OR56A3: variants seen among roughly 807,000 people sequenced by gnomAD.
The protein encoded by OR56A3 is olfactory receptor 56A3.
In OR56A3, 23 loss-of-function variants were observed where a neutral mutation model predicts 17.5. The observed-to-expected ratio is 1.32, with a 90% CI of 0.95 to 1.87. The LOEUF is 1.87. OR56A3 is among the 40% of genes most tolerant of loss of function. OR56A3 has a pLI of 0.00. For missense variants in OR56A3, 366 were observed against 380.1 expected (o/e 0.96, Z 0.31); for synonymous variants, 175 against 150.6 (o/e 1.16, Z -1.19).
the OR56A3 span, chr11:6,006,289 T>C: frequency 3.3e-5 from 5 of 152,356 alleles, no homozygotes; most frequent in Admixed American, 2.0e-4. Context: ...TTCCTCCCTC[T>C]GAATTTTCCT....
the OR56A3 span, among the ~76,000 whole-genome samples, chr11:5,998,821 A>C: frequency 6.6e-6 from 1 of 152,230 alleles, no homozygotes; most frequent in Non-Finnish European, 1.5e-5. Context: ...ATGAATTACG[A>C]AGATAATTTA....
chr11:6,007,329 G>C, the OR56A3 span, among the ~76,000 whole-genome samples: 101,894 of 152,100 alleles, frequency 0.67, 34,539 homozygotes, highest in East Asian at 0.93. Context: ...AGAGATGTTT[G>C]TCAAAGGATA....
the OR56A3 span, chr11:5,986,849 G>T: frequency 1.2e-6 from 2 of 1,613,990 alleles, no homozygotes; most frequent in Admixed American, 1.7e-5. Flanking sequence ...AGAAAAGAAG[G>T]CTGGGATAGC....
the OR56A3 span, among the ~76,000 whole-genome samples, chr11:6,008,649 C>G: frequency 2.4e-4 from 37 of 151,980 alleles, no homozygotes; most frequent in Admixed American, 5.2e-4. Context: ...GATAATGAAC[C>G]TTTCAATACA....
the OR56A3 span, among the ~76,000 whole-genome samples, chr11:5,962,923 T>C: frequency 6.6e-6 from 1 of 152,238 alleles, no homozygotes; most frequent in African/African-American, 2.4e-5. Flanking sequence ...CATAGGTTCC[T>C]GTAGGTTTTA....
At chr11:5,997,953 C>T in the OR56A3 span, among the ~76,000 whole-genome samples, 1 of 152,090 alleles carries the variant, frequency 6.6e-6, no homozygotes, top group Non-Finnish European at 1.5e-5. Context: ...AACTCACTCA[C>T]TGGACAGGTA....
the OR56A3 span, among the ~76,000 whole-genome samples, chr11:6,012,238 G>A: frequency 6.6e-6 from 1 of 152,348 alleles, no homozygotes; most frequent in South Asian, 2.1e-4. Context: ...TTGAGCAATA[G>A]AACAGCTCAG....
intron 2 of OR56A3, among the ~76,000 whole-genome samples, chr11:5,946,009 A>G (rs1237198834): frequency 6.6e-6 from 1 of 152,226 alleles, no homozygotes; most frequent in East Asian, 1.9e-4. Context: ...CCTCTGTCCC[A>G]GTAGACAGAA....
chr11:5,943,210 AG>A (rs1257596401), intron 1 of OR56A3: 3 of 152,206 alleles, frequency 2.0e-5, no homozygotes, highest in Non-Finnish European at 4.4e-5. Context: ...AAAAAGGAAA[AG>A]TCAGTGAGTT....
At chr11:5,954,618 T>TATTTTTGCAAGA (rs1415084462), downstream of OR56A3, among the ~76,000 whole-genome samples, 1 of 152,248 alleles carries the variant, frequency 6.6e-6, no homozygotes, top group Non-Finnish European at 1.5e-5. Flanking sequence ...GCAATATTAA[T>TATTTTTGCAAGA]ATTTTTGCAA....
intron 2 of OR56A3, among the ~76,000 whole-genome samples, chr11:5,946,670 T>A (rs989258752): frequency 1.3e-5 from 2 of 152,186 alleles, no homozygotes; most frequent in Non-Finnish European, 2.9e-5. Flanking sequence ...CCTAAAAATA[T>A]GAACATCTAA....
At chr11:5,967,386 G>C in the OR56A3 span, among the ~76,000 whole-genome samples, 1 of 152,196 alleles carries the variant, frequency 6.6e-6, no homozygotes, top group Non-Finnish European at 1.5e-5. Flanking sequence ...CAGTGAAACA[G>C]AAAGCAGGAT....
chr11:5,978,875 T>A, the OR56A3 span, among the ~76,000 whole-genome samples: 1 of 152,176 alleles, frequency 6.6e-6, no homozygotes. Flanking sequence ...CTTTTATTAT[T>A]GTGAAGGATG....
chr11:5,969,920 TA>T, the OR56A3 span, among the ~76,000 whole-genome samples: 1 of 98,596 alleles, frequency 1.0e-5, no homozygotes, highest in African/African-American at 4.7e-5. Flanking sequence ...ATGATAGTGA[TA>T]TAAAGACAGT....
the OR56A3 span, among the ~76,000 whole-genome samples, chr11:6,012,675 G>A: frequency 9.2e-5 from 14 of 152,264 alleles, no homozygotes; most frequent in East Asian, 5.8e-4. Flanking sequence ...ATGGGCAGCC[G>A]GGGGCAAGCC....
chr11:5,946,688 A>G (rs966741238), intron 2 of OR56A3, among the ~76,000 whole-genome samples: 4 of 152,076 alleles, frequency 2.6e-5, no homozygotes, highest in Non-Finnish European at 4.4e-5. Flanking sequence ...TAAAAAATAG[A>G]GAGATATTAA....
At chr11:5,970,864 C>G in the OR56A3 span, among the ~76,000 whole-genome samples, 1 of 152,146 alleles carries the variant, frequency 6.6e-6, no homozygotes, top group East Asian at 1.9e-4. Context: ...TTTACAGTAT[C>G]CAGAGCTTAG....
At chr11:5,983,627 A>T in the OR56A3 span, among the ~76,000 whole-genome samples, 1 of 152,174 alleles carries the variant, frequency 6.6e-6, no homozygotes, top group African/African-American at 2.4e-5. Flanking sequence ...ACTTCCACAG[A>T]GGAAGGCTCT....
the OR56A3 span, among the ~76,000 whole-genome samples, chr11:6,012,961 C>A: frequency 6.6e-6 from 1 of 152,198 alleles, no homozygotes; most frequent in South Asian, 2.1e-4. Flanking sequence ...TGTGGAGAGG[C>A]CATGCAGCAG....
Sources: gnomAD v4.1 joint callset for allele counts (sites outside exome capture counted in the v4.1 genomes callset) on GRCh38, gnomAD v4.1.1 for gene constraint, MANE v1.5 for transcripts, NCBI Gene and HGNC (gene_info 2026-07-23, HGNC 2026-07-21) for gene names.